The following FHAD1 variants were observed in gnomAD, a reference collection of about 807,000 sequenced individuals.
FHAD1 encodes forkhead associated phosphopeptide binding domain 1.
FHAD1 carries 146 observed loss-of-function variants against 191.3 expected under a neutral mutation model. The ratio of observed to expected loss-of-function variants is 0.76; its 90% CI spans 0.67 to 0.88. FHAD1 has a LOEUF of 0.88. Ranked by LOEUF, FHAD1 falls within the 40% of genes least tolerant of loss-of-function variation. The probability of loss-of-function intolerance (pLI) is 0.00; values close to 1 mark genes in which losing one functional copy is unlikely to be tolerated. For synonymous variants in FHAD1, 616 were observed against 672.3 expected (o/e 0.92, Z 1.29); for missense variants, 1,635 against 1,785.8 (o/e 0.92, Z 1.52).
At chr1:15,379,446 G>T (rs1031127605) in intron 28 of FHAD1, among the ~76,000 whole-genome samples, 5 of 152,220 alleles carry the variant, frequency 3.3e-5, no homozygotes, top group African/African-American at 1.2e-4. Context: ...CGTACAATCG[G>T]GTTTTATACC....
intron 22 of FHAD1, among the ~76,000 whole-genome samples, chr1:15,361,702 G>A (rs577035718): frequency 2.4e-4 from 36 of 152,146 alleles, no homozygotes; most frequent in Admixed American, 5.9e-4. Context: ...AGGTCAGAGG[G>A]AGGGTGTCTG....
In FHAD1 at chr1:15,329,692, G is replaced by A. The variant is rs1019740861; in HGVS notation, c.1906+151G>A. 11 of 567,194 alleles carry A rather than the reference G, an allele frequency of 1.9e-5. No homozygotes were observed. Among genetic ancestry groups the A allele is most frequent in the Admixed American group, 3.3e-5 (1 of 30,532 alleles). The allele number at this position is 567,194 out of a possible 1,614,324, so 35.1% of individuals were successfully genotyped here. ...AACCCCCTGCTTCTCTGCTTGAGGCGTAATTTTCCATTAAAAAAAAAAACA... is the reference window on the plus strand; with the variant it reads ...AACCCCCTGCTTCTCTGCTTGAGGCATAATTTTCCATTAAAAAAAAAAACA... On this transcript the variant is annotated intron_variant, in intron 14 of 33. Coordinates refer to ENST00000688493, the MANE Select transcript of FHAD1 (RefSeq NM_001391957.1). This position sits in a 1 kb window ranked among gnomAD's most constrained non-coding sequence, Gnocchi z 5.0.
At chr1:15,348,815 C>T (rs1689822429) in intron 18 of FHAD1, among the ~76,000 whole-genome samples, 1 of 152,136 alleles carries the variant, frequency 6.6e-6, no homozygotes, top group South Asian at 2.1e-4. Context: ...CCCTCTCCGA[C>T]TTCCTGCTCC....
At chr1:15,241,990 T>G (rs1645431773) in intron 1 of FHAD1, among the ~76,000 whole-genome samples, 1 of 152,188 alleles carries the variant, frequency 6.6e-6, no homozygotes, top group Non-Finnish European at 1.5e-5. Context: ...ATCCCAGCAC[T>G]CTGGGAAGCT....
downstream of FHAD1, among the ~76,000 whole-genome samples, chr1:15,402,511 C>T (rs1429080023): frequency 6.6e-6 from 1 of 152,168 alleles, no homozygotes; most frequent in Non-Finnish European, 1.5e-5. Flanking sequence ...TTAAAGACAG[C>T]GGCATGCAGC....
chr1:15,339,470 C>CT lies in FHAD1; in HGVS notation c.1907-4dup. ...TGATACTTACATTCTTCCTGCTTCT[C>CT]TTTTTTTAAGGGTTCTCTTTGTATC... On this transcript the variant is annotated splice_polypyrimidine_tract_variant and intron_variant, in intron 14 of 33. Transcript: ENST00000688493. 4 of 1,232,490 alleles carry CT rather than the reference C, an allele frequency of 3.2e-6. No individual in the cohort carries two copies. In the South Asian group the frequency reaches 4.0e-5, roughly 12 times the overall value. The allele number at this position is 1,232,490 out of a possible 1,614,324, so 76.3% of individuals were successfully genotyped here.
At chr1:15,385,174 G>C (rs926396173) in intron 31 of FHAD1, among the ~76,000 whole-genome samples, 3 of 150,552 alleles carry the variant, frequency 2.0e-5, no homozygotes, top group African/African-American at 7.3e-5. Context: ...GACAACATCA[G>C]AGAAAACAGT....
chr1:15,291,147 C>T (rs1664625667), intron 4 of FHAD1, among the ~76,000 whole-genome samples: 1 of 139,650 alleles, frequency 7.2e-6, no homozygotes, highest in African/African-American at 2.8e-5. Context: ...GAGTCTCACT[C>T]TATTGCCCAA....
intron 3 of FHAD1, among the ~76,000 whole-genome samples, chr1:15,274,250 G>T (rs1294207227): frequency 6.6e-6 from 1 of 152,216 alleles, no homozygotes; most frequent in Non-Finnish European, 1.5e-5. Context: ...TCACATAAGT[G>T]TGTCACCCAG....
chr1:15,294,630 T>G (rs1301422950), intron 4 of FHAD1, among the ~76,000 whole-genome samples: 1 of 152,154 alleles, frequency 6.6e-6, no homozygotes, highest in African/African-American at 2.4e-5. Flanking sequence ...TGTCCTTAAG[T>G]GATCTGCCTG....
At chr1:15,394,867 T>C (rs941188547) in intron 33 of FHAD1, among the ~76,000 whole-genome samples, 3 of 152,166 alleles carry the variant, frequency 2.0e-5, no homozygotes, top group Admixed American at 2.0e-4. Context: ...AGGTAAATCC[T>C]GTTGGAAAGA....
intron 4 of FHAD1, 198 bp from the exon 5 acceptor site, chr1:15,296,486 T>A (rs1667021098): frequency 3.5e-6 from 2 of 566,278 alleles, no homozygotes; most frequent in East Asian, 7.7e-5. Context: ...ATCTTCTGAC[T>A]GCATGATCCG....
chr1:15,353,033 G>A, intron 20 of FHAD1, 49 bp downstream of exon 20: 1 of 1,363,834 alleles, frequency 7.3e-7, no homozygotes, highest in Non-Finnish European at 1.0e-6. Flanking sequence ...CACAGCGAAG[G>A]GCAGTGCTCT....
intron 3 of FHAD1, 128 bp downstream of exon 3, chr1:15,272,657 A>G (rs779716165): frequency 1.4e-4 from 123 of 850,470 alleles, no homozygotes; most frequent in Non-Finnish European, 1.8e-4. Context: ...CACAGGCAGC[A>G]GAGACAGAGT....
chr1:15,321,933 A>C (rs1006652088), intron 10 of FHAD1, among the ~76,000 whole-genome samples: 1 of 152,374 alleles, frequency 6.6e-6, no homozygotes, highest in Admixed American at 6.5e-5. Context: ...TTCTTTCAGC[A>C]CATTACAGAT....
chr1:15,360,323 GC>G (rs1219967296), intron 21 of FHAD1, among the ~76,000 whole-genome samples, 154 bp from the exon 22 acceptor site: 3 of 152,358 alleles, frequency 2.0e-5, no homozygotes, highest in East Asian at 3.9e-4. Flanking sequence ...CATGCAAGGA[GC>G]TGGGGAAGAA....
chr1:15,375,710 T>C lies in FHAD1; in HGVS notation c.3685T>C (p.Ser1229Pro), dbSNP rs746259749. 15 of 1,545,714 alleles carry C rather than the reference T, an allele frequency of 9.7e-6. 1 individual carries two copies. Among genetic ancestry groups the C allele is most frequent in the South Asian group, 9.7e-5 (8 of 82,716 alleles). Residue 1229 changes from serine to proline, a missense_variant, in exon 28 of 34, where the codon TCA becomes CCA. Transcript: ENST00000688493. The part of the protein sequence containing the change: ...LDAKPDLPTL[S>P]RIEILAPQNG... ...TGCAAAACCGGATTTGCCAACTCTC[T>C]CAAGAATAGAGATCCTAGCGGTAAC...
intron 8 of FHAD1, among the ~76,000 whole-genome samples, chr1:15,314,256 G>A (rs896300877): frequency 1.7e-4 from 26 of 152,188 alleles, no homozygotes; most frequent in African/African-American, 6.0e-4. Flanking sequence ...AGTCTGCATG[G>A]GCACCCAGGC....
At position 15,317,899 on chromosome 1, in the gene FHAD1, A is replaced by T; in HGVS notation, c.1336A>T (p.Ile446Phe). ...LRKSCTEQSVISRTLREKSKV... is the reference protein window; with the variant it reads ...LRKSCTEQSVFSRTLREKSKV... The stretch of plus-strand genomic sequence containing the variant: ...GAAGAGTTGTACTGAACAAAGCGTG[A>T]TCTCTAGGACTCTGAGAGAAAAAAG... Residue 446 changes from isoleucine to phenylalanine, a missense_variant, in exon 10 of 34, where the codon ATC becomes TTC. Transcript: ENST00000688493. 6.4e-7 allele frequency: 1 copy of T among 1,551,688 alleles called. No individual in the cohort carries two copies. The highest frequency in any genetic ancestry group is 8.7e-7 in the Non-Finnish European group (1 of 1,146,924).
Sources: gnomAD v4.1 joint callset for allele counts (sites outside exome capture counted in the v4.1 genomes callset) on GRCh38, gnomAD v4.1.1 for gene constraint, Gnocchi (gnomAD v3.1) non-coding constraint, MANE v1.5 for transcripts, NCBI Gene and HGNC (gene_info 2026-07-23, HGNC 2026-07-21) for gene names.